The following PARP14 variants were observed in gnomAD, a reference collection of about 807,000 sequenced individuals.
The protein encoded by PARP14 is protein mono-ADP-ribosyltransferase PARP14.
In PARP14, 59 loss-of-function variants were observed where a neutral mutation model predicts 154.2. That is an observed-to-expected ratio of 0.38 (90% CI 0.31 to 0.48). PARP14 has a LOEUF of 0.48. Among genes scored for constraint, PARP14 ranks in the 20% least tolerant of loss-of-function variants. The pLI, the probability that PARP14 is intolerant of heterozygous loss-of-function variation, is 0.98. For synonymous variants in PARP14, 720 were observed against 780.5 expected (o/e 0.92, Z 1.29); for missense variants, 1,734 against 2,131.6 (o/e 0.81, Z 3.67).
rs557653626 is a variant in PARP14, at chr3:122,681,182, A to G, written c.187+112A>G. The G allele has an allele frequency of 4.7e-5, 10 of 213,950 alleles. No individual in the cohort carries two copies. The highest frequency in any genetic ancestry group is 2.0e-4 in the African/African-American group (7 of 35,348). 13.3% of individuals were successfully genotyped at this position (213,950 alleles called of 1,614,324 possible). A position where few individuals can be genotyped will look rare whatever the true frequency, so the allele number is the denominator to read the frequency against. On this transcript the variant is annotated intron_variant, in intron 1 of 16. Transcript: ENST00000474629. This position sits in a 1 kb window ranked among gnomAD's most constrained non-coding sequence, Gnocchi z 5.5. Reference sequence around the variant, plus strand: ...CCCGCCCGACTTCGGCGGCTGCTGTAGCGGAGGTGGCCGGGGCGGGGGCGG... The same window carrying G: ...CCCGCCCGACTTCGGCGGCTGCTGTGGCGGAGGTGGCCGGGGCGGGGGCGG...
chr3:122,704,095 T>G, intron 7 of PARP14, 117 bp downstream of exon 7: 1 of 705,074 alleles, frequency 1.4e-6, no homozygotes, highest in Admixed American at 2.7e-5. Flanking sequence ...TAATAATCAC[T>G]CTTTTGGCAG....
chr3:122,693,602 G>A (rs758520566), intron 4 of PARP14, among the ~76,000 whole-genome samples: 6 of 152,180 alleles, frequency 3.9e-5, no homozygotes, highest in Non-Finnish European at 1.5e-5. Context: ...ACTTTGGGAG[G>A]CCAAGGCAGA....
At chr3:122,713,146 C>G (rs1386082795) in intron 9 of PARP14, among the ~76,000 whole-genome samples, 2 of 152,164 alleles carry the variant, frequency 1.3e-5, no homozygotes, top group Non-Finnish European at 2.9e-5. Context: ...TTGTATTTGT[C>G]CTGTTTTTAG....
rs772798978 is a variant in PARP14 at position 122,720,329 on chromosome 3, G to C, written c.4882G>C (p.Glu1628Gln). 6 of 1,612,908 alleles carry C rather than the reference G, an allele frequency of 3.7e-6. No individual in the cohort carries two copies. In the African/African-American group the frequency reaches 8.0e-5, roughly 22 times the overall value. The change falls in exon 15 of 17, where the codon GAG (glutamate) becomes CAG (glutamine). Residue 1628 changes from glutamate to glutamine, a missense_variant. Physicochemically the swap from Glu to Gln is conservative, Grantham distance 29 (BLOSUM62 2). This residue lies in a region of PARP14 where 1,646 missense variants were observed against 1,976.0 expected (regional missense o/e 0.83). Coordinates refer to ENST00000474629, the MANE Select transcript of PARP14 (RefSeq NM_017554.3). ...GGTGGAGCTGCTGCCTAGTGATCCTGAGTACAACACGGTGGCAAGCAAGTT... is the reference window on the plus strand; with the variant it reads ...GGTGGAGCTGCTGCCTAGTGATCCTCAGTACAACACGGTGGCAAGCAAGTT... The part of the protein sequence containing the change: ...CVVELLPSDP[E>Q]YNTVASKFNQ...
chr3:122,694,358 T>C (rs1938695578), intron 4 of PARP14, among the ~76,000 whole-genome samples: 1 of 152,162 alleles, frequency 6.6e-6, no homozygotes, highest in African/African-American at 2.4e-5. Context: ...CTGGGAACCA[T>C]TGTCTGATTC....
Position 122,700,708 on chromosome 3 carries a change from T to A in PARP14, c.2154T>A (p.Thr718=). ...PENKQKGILL[T]GSKTEVLKAV... Reference sequence around the variant, plus strand: ...ACAAACAAAAAGGCATTTTACTAACTGGCTCAAAGACCGAAGTACTGAAGG... The same window carrying A: ...ACAAACAAAAAGGCATTTTACTAACAGGCTCAAAGACCGAAGTACTGAAGG... Residue 718 remains threonine, a synonymous_variant, in exon 6 of 17, where the codon ACT becomes ACA. Coordinates refer to ENST00000474629, the MANE Select transcript of PARP14 (RefSeq NM_017554.3). 4.3e-6 allele frequency: 7 copies of A among 1,612,460 alleles called. No homozygotes were observed. The highest frequency in any genetic ancestry group is 5.9e-6 in the Non-Finnish European group (7 of 1,179,194).
intron 2 of PARP14, 149 bp downstream of exon 2, chr3:122,685,467 C>A: frequency 1.4e-6 from 1 of 708,680 alleles, no homozygotes; most frequent in Non-Finnish European, 2.3e-6. Context: ...GGAGTGAGGG[C>A]AGTGGTAGGG....
rs561774045 is a variant in PARP14 at position 122,684,515 on chromosome 3, T to C, written c.188-670T>C. On this transcript the variant is annotated intron_variant, in intron 1 of 16. Transcript: ENST00000474629. ...ATTCACTCAGCTATTTGTGGTAGAGTTGGAATTCAAATCCAGATCTTTGGA... is the reference window on the plus strand; with the variant it reads ...ATTCACTCAGCTATTTGTGGTAGAGCTGGAATTCAAATCCAGATCTTTGGA... 7.9e-5 allele frequency among the ~76,000 whole-genome samples: 12 copies of C among 152,318 alleles called. No individual in the cohort carries two copies. In the South Asian group the frequency reaches 2.5e-3, roughly 32 times the overall value.
At chr3:122,710,158 C>G (rs1939278301) in intron 9 of PARP14, among the ~76,000 whole-genome samples, 1 of 151,912 alleles carries the variant, frequency 6.6e-6, no homozygotes, top group African/African-American at 2.4e-5. Flanking sequence ...AAGAGTTTTT[C>G]CAATGTTATC....
At chr3:122,683,002 G>A (rs1194194113) in intron 1 of PARP14, among the ~76,000 whole-genome samples, 1 of 152,070 alleles carries the variant, frequency 6.6e-6, no homozygotes, top group Non-Finnish European at 1.5e-5. Flanking sequence ...TTGCAGTGAG[G>A]TGAGATCGCA....
chr3:122,720,559 G>T (rs1487289026), intron 15 of PARP14, 171 bp downstream of exon 15: 1 of 666,092 alleles, frequency 1.5e-6, no homozygotes, highest in African/African-American at 1.8e-5. Context: ...AATTACTGAG[G>T]CATTAAGATT....
At position 122,722,998 on chromosome 3, in the gene PARP14, C is replaced by T. The variant is rs112009176; in HGVS notation, c.4941+2610C>T. 6.6e-5 allele frequency among the ~76,000 whole-genome samples: 10 copies of T among 151,424 alleles called. No homozygotes were observed. In the South Asian group the frequency reaches 1.3e-3, roughly 19 times the overall value. On this transcript the variant is annotated intron_variant, in intron 15 of 16. Coordinates refer to ENST00000474629, the MANE Select transcript of PARP14 (RefSeq NM_017554.3). ...TCACCCAGGCTGGAGTGCAGTGGCG[C>T]GATCTTGGCTCACTGCAACCTCCGC...
In PARP14 at chr3:122,695,012, C is replaced by T. The variant is rs1012561435; in HGVS notation, c.599-414C>T. On this transcript the variant is annotated intron_variant, in intron 4 of 16. Coordinates refer to ENST00000474629, the MANE Select transcript of PARP14 (RefSeq NM_017554.3). ...AATAAAATGAATGGCAGGGAATAAC[C>T]GAAGGTGATGCTTGGAAATTAGTTT... Among the ~76,000 whole-genome samples the T allele has an allele frequency of 7.9e-5, 12 of 152,272 alleles. No homozygotes were observed. In the East Asian group the frequency reaches 1.5e-3, roughly 20 times the overall value.
In PARP14 at chr3:122,726,038, T is replaced by C. The variant is rs1352143160; in HGVS notation, c.4942-1774T>C. Among the ~76,000 whole-genome samples the C allele has an allele frequency of 2.0e-5, 3 of 152,344 alleles. No homozygotes were observed. The South Asian group carries it at 6.2e-4, about 32-fold the overall frequency. ...TCATTCCCCAGACAATGCAAAGACCTTTGAATACTTTAAGCCTTATTTATC... is the reference window on the plus strand; with the variant it reads ...TCATTCCCCAGACAATGCAAAGACCCTTGAATACTTTAAGCCTTATTTATC... On this transcript the variant is annotated intron_variant, in intron 15 of 16. Coordinates refer to ENST00000474629, the MANE Select transcript of PARP14 (RefSeq NM_017554.3).
rs115424645 is a variant in PARP14, at chr3:122,688,897, A to G, written c.355+1784A>G. Among the ~76,000 whole-genome samples the G allele has an allele frequency of 6.1e-3, 936 of 152,314 alleles. 10 individuals are homozygous for G. Among genetic ancestry groups the G allele is most frequent in the African/African-American group, 0.021 (890 of 41,562 alleles). On this transcript the variant is annotated intron_variant, in intron 3 of 16. Transcript: ENST00000474629. The stretch of plus-strand genomic sequence containing the variant: ...AACTGAGGCGTCTGCAGGAGCTGAC[A>G]GGGCAGGGAAAGGCACACACACCAA...
intron 9 of PARP14, among the ~76,000 whole-genome samples, chr3:122,709,088 G>C (rs575668367): frequency 1.3e-5 from 2 of 152,196 alleles, no homozygotes; most frequent in Admixed American, 1.3e-4. Flanking sequence ...TGGGGGTACA[G>C]GTGGTTTTTG....
chr3:122,689,137 C>A (rs893091754), intron 3 of PARP14, among the ~76,000 whole-genome samples: 1 of 152,208 alleles, frequency 6.6e-6, no homozygotes, highest in African/African-American at 2.4e-5. Flanking sequence ...TTCTGTCTGA[C>A]CTTCCTGTTG....
intron 8 of PARP14, among the ~76,000 whole-genome samples, chr3:122,706,730 A>T (rs1213164993): frequency 1.3e-5 from 2 of 151,770 alleles, no homozygotes; most frequent in Non-Finnish European, 2.9e-5. Flanking sequence ...TTTAGCCAAG[A>T]TGTTACTTGT....
intron 8 of PARP14, 45 bp downstream of exon 8, chr3:122,704,793 G>C (rs1939099627): frequency 9.2e-7 from 1 of 1,087,418 alleles, no homozygotes; most frequent in African/African-American, 1.6e-5. Context: ...CTGAGACCTA[G>C]TGTTTTTTCA....
Sources: allele counts gnomAD v4.1 joint callset (sites outside exome capture counted in the v4.1 genomes callset), GRCh38; gene constraint gnomAD v4.1.1; regional missense constraint gnomAD v4.1.1; non-coding constraint Gnocchi (gnomAD v3.1); transcripts MANE v1.5; gene names NCBI Gene and HGNC (gene_info 2026-07-23, HGNC 2026-07-21).